Variants in DPP10 observed in about 807,000 individuals in gnomAD.
The protein encoded by DPP10 is inactive dipeptidyl peptidase 10.
A neutral mutation model predicts 120.9 loss-of-function variants in DPP10; 33 were observed. That is an observed-to-expected ratio of 0.27 (90% CI 0.21 to 0.37). The LOEUF is 0.37. DPP10 is among the 10% of genes least tolerant of loss of function. The pLI, the probability that DPP10 is intolerant of heterozygous loss-of-function variation, is 1.00. For missense variants in DPP10, 816 were observed against 942.8 expected, an observed-to-expected ratio of 0.87 and a Z score of 1.76; for synonymous variants, 337 against 326.1, an observed-to-expected ratio of 1.03 and a Z score of -0.36.
chr2:114,959,669 T>C (rs1698467009), intron 1 of DPP10, among the ~76,000 whole-genome samples: 1 of 152,206 alleles, frequency 6.6e-6, no homozygotes, highest in Admixed American at 6.5e-5. Context: ...TTAAACTGGA[T>C]ACCACACTGC....
At chr2:115,257,294 G>T (rs751333820) in intron 1 of DPP10, among the ~76,000 whole-genome samples, 1 of 152,006 alleles carries the variant, frequency 6.6e-6, no homozygotes, top group East Asian at 1.9e-4. Flanking sequence ...GGACATTCTC[G>T]TGTTGCTGTA....
intron 1 of DPP10, among the ~76,000 whole-genome samples, chr2:114,806,738 A>G (rs534748402): frequency 4.6e-5 from 7 of 152,344 alleles, no homozygotes; most frequent in Non-Finnish European, 1.0e-4. Context: ...AGTTGGTAAT[A>G]TTGAAATGAA....
intron 1 of DPP10, among the ~76,000 whole-genome samples, chr2:115,051,936 T>C (rs2105347546): frequency 6.6e-6 from 1 of 152,338 alleles, no homozygotes; most frequent in East Asian, 1.9e-4. Flanking sequence ...ATACACCGTG[T>C]ATGCATACAT....
chr2:114,444,861 T>G (rs1204078986), intron 1 of DPP10, among the ~76,000 whole-genome samples: 1 of 152,178 alleles, frequency 6.6e-6, no homozygotes, highest in Admixed American at 6.6e-5. Flanking sequence ...AAAATATATA[T>G]AGTCGCAAGC....
chr2:115,652,141 A>T (rs2087840995), intron 5 of DPP10, among the ~76,000 whole-genome samples: 1 of 152,100 alleles, frequency 6.6e-6, no homozygotes. Context: ...ATAGTTGGAT[A>T]CATGATATAT....
At chr2:115,604,582 A>G (rs1038063057) in intron 5 of DPP10, among the ~76,000 whole-genome samples, 2 of 152,128 alleles carry the variant, frequency 1.3e-5, no homozygotes, top group African/African-American at 4.8e-5. Context: ...TCTTTTCTTC[A>G]AGAAACTGTC....
chr2:115,089,651 C>T (rs1329224879), intron 1 of DPP10, among the ~76,000 whole-genome samples: 1 of 152,290 alleles, frequency 6.6e-6, no homozygotes, highest in East Asian at 1.9e-4. Flanking sequence ...TCATTGTTTC[C>T]TGCTTCAGAA....
At chr2:115,510,079 T>C (rs2077146272) in intron 4 of DPP10, among the ~76,000 whole-genome samples, 1 of 152,198 alleles carries the variant, frequency 6.6e-6, no homozygotes, top group Non-Finnish European at 1.5e-5. Context: ...TGTAAGATTT[T>C]TTCATATATT....
At chr2:114,466,098 C>G (rs1679346308) in intron 1 of DPP10, among the ~76,000 whole-genome samples, 1 of 152,044 alleles carries the variant, frequency 6.6e-6, no homozygotes, top group South Asian at 2.1e-4. Context: ...ACAAATTCAT[C>G]TATAAATTTA....
At chr2:114,791,491 A>C (rs1683238435) in intron 1 of DPP10, among the ~76,000 whole-genome samples, 2 of 152,154 alleles carry the variant, frequency 1.3e-5, no homozygotes, top group Admixed American at 6.5e-5. Context: ...CGTAGTGTTG[A>C]GTTTTCCCAA....
chr2:114,658,665 T>C (rs1277032490), intron 1 of DPP10, among the ~76,000 whole-genome samples: 1 of 152,178 alleles, frequency 6.6e-6, no homozygotes, highest in Non-Finnish European at 1.5e-5. Flanking sequence ...CTCATTAAAG[T>C]GAAAATATAT....
intron 1 of DPP10, among the ~76,000 whole-genome samples, chr2:114,981,096 C>T (rs1394648222): frequency 6.6e-6 from 1 of 150,556 alleles, no homozygotes; most frequent in African/African-American, 2.4e-5. Flanking sequence ...CCAGTCATTT[C>T]AGAGGGCAAT....
In DPP10 at chr2:115,781,007, C is replaced by T. The variant is rs755170911; in HGVS notation, c.1483+12C>T. The T allele has an allele frequency of 1.3e-6, 2 of 1,561,218 alleles. No homozygotes were observed. Among genetic ancestry groups the T allele is most frequent in the Non-Finnish European group, 1.7e-6 (2 of 1,144,840 alleles). ...ATTATTCTGTGAAGGTAAGATAATA[C>T]ATGAATTCTGATATAATATATTTTA... On this transcript the variant is annotated intron_variant, in intron 16 of 25. Transcript: ENST00000410059.
At chr2:114,536,571 A>C (rs1385625872) in intron 1 of DPP10, among the ~76,000 whole-genome samples, 1 of 151,732 alleles carries the variant, frequency 6.6e-6, no homozygotes, top group Non-Finnish European at 1.5e-5. Context: ...ATGCCCAGCT[A>C]ATTTTTTGTA....
At chr2:115,434,460 G>A in intron 3 of DPP10, among the ~76,000 whole-genome samples, 1 of 151,948 alleles carries the variant, frequency 6.6e-6, no homozygotes, top group Non-Finnish European at 1.5e-5. Context: ...TAGGGTAACA[G>A]ATGTAATAAT....
chr2:114,549,247 T>C (rs1218697044), intron 1 of DPP10, among the ~76,000 whole-genome samples: 1 of 151,968 alleles, frequency 6.6e-6, no homozygotes, highest in African/African-American at 2.4e-5. Context: ...GTCTGCAGCA[T>C]GGGGTGATTC....
At chr2:115,671,351 C>G (rs1219033152) in intron 5 of DPP10, among the ~76,000 whole-genome samples, 1 of 151,660 alleles carries the variant, frequency 6.6e-6, no homozygotes, top group Non-Finnish European at 1.5e-5. Context: ...CATTGACTTA[C>G]TAAATAGATT....
intron 5 of DPP10, among the ~76,000 whole-genome samples, chr2:115,684,539 G>T (rs1301018381): frequency 1.3e-5 from 2 of 151,772 alleles, no homozygotes; most frequent in Admixed American, 1.3e-4. Flanking sequence ...TTTCCTAACT[G>T]TTTGATTCCA....
chr2:115,614,747 A>G (rs894493658), intron 5 of DPP10, among the ~76,000 whole-genome samples: 4 of 152,206 alleles, frequency 2.6e-5, no homozygotes, highest in African/African-American at 9.6e-5. Flanking sequence ...AGACCTGCTA[A>G]AAGGCAATTG....
Sources: gnomAD v4.1 joint callset for allele counts (sites outside exome capture counted in the v4.1 genomes callset) on GRCh38, gnomAD v4.1.1 for gene constraint, MANE v1.5 for transcripts, NCBI Gene and HGNC (gene_info 2026-07-23, HGNC 2026-07-21) for gene names.